SLC14A2: variants seen among roughly 807,000 people sequenced by gnomAD.
The protein encoded by SLC14A2 is solute carrier family 14 member 2.
Under a neutral mutation model 104.6 loss-of-function variants are expected in SLC14A2, and 91 were observed. The ratio of observed to expected loss-of-function variants is 0.87; its 90% CI spans 0.73 to 1.04. The LOEUF is 1.04. SLC14A2 is among the 50% of genes least tolerant of loss of function. The probability of loss-of-function intolerance (pLI) is 0.00; values close to 1 mark genes in which losing one functional copy is unlikely to be tolerated. For synonymous variants in SLC14A2, 476 were observed against 466.4 expected (o/e 1.02, Z -0.27); for missense variants, 1,189 against 1,156.0 (o/e 1.03, Z -0.41).
intron 1 of SLC14A2, among the ~76,000 whole-genome samples, chr18:45,299,982 T>A (rs527531947): frequency 6.6e-6 from 1 of 152,234 alleles, no homozygotes; most frequent in Admixed American, 6.5e-5. Context: ...GGCTGGTAAT[T>A]AGGTTTGTGG....
intron 1 of SLC14A2, among the ~76,000 whole-genome samples, chr18:45,297,579 T>G (rs1016410104): frequency 4.6e-5 from 7 of 152,218 alleles, no homozygotes; most frequent in African/African-American, 1.7e-4. Flanking sequence ...CACTTGATCT[T>G]CCTGGGTCTC....
intron 4 of SLC14A2, 130 bp from the exon 5 acceptor site, chr18:45,632,220 G>C (rs979359447): frequency 2.1e-5 from 24 of 1,142,360 alleles, no homozygotes; most frequent in Middle Eastern, 5.7e-4. Context: ...TTCATTGAGC[G>C]AACTGACTTT....
intron 1 of SLC14A2, among the ~76,000 whole-genome samples, chr18:45,347,275 G>A (rs1264712208): frequency 6.6e-6 from 1 of 152,150 alleles, no homozygotes; most frequent in Non-Finnish European, 1.5e-5. Flanking sequence ...AGGATGGCTT[G>A]AGCCAGGGGA....
intron 2 of SLC14A2, among the ~76,000 whole-genome samples, chr18:45,495,248 A>T (rs1454472643): frequency 1.3e-5 from 2 of 152,198 alleles, no homozygotes; most frequent in Admixed American, 6.5e-5. Context: ...ACCACAAAAA[A>T]CTTGGACATG....
intron 1 of SLC14A2, among the ~76,000 whole-genome samples, chr18:45,623,427 A>G (rs1217288342): frequency 1.3e-5 from 2 of 152,220 alleles, no homozygotes; most frequent in Non-Finnish European, 2.9e-5. Flanking sequence ...TCTGAATGAC[A>G]GAGTGACCAG....
At chr18:45,619,611 G>A (rs1321280448) in intron 1 of SLC14A2, among the ~76,000 whole-genome samples, 1 of 152,202 alleles carries the variant, frequency 6.6e-6, no homozygotes, top group Non-Finnish European at 1.5e-5. Context: ...GAGAGTCTGA[G>A]TGCGCCAAGC....
intron 16 of SLC14A2, among the ~76,000 whole-genome samples, chr18:45,670,292 T>G (rs1268839220): frequency 1.3e-5 from 2 of 152,204 alleles, no homozygotes. Context: ...ATTCTGTATA[T>G]AATCCTGACC....
chr18:45,441,869 T>G lies in SLC14A2; in HGVS notation c.-124-41364T>G, dbSNP rs566832940. Among the ~76,000 whole-genome samples the G allele has an allele frequency of 3.3e-5, 5 of 152,348 alleles. No homozygotes were observed. In the South Asian group the frequency reaches 1.0e-3, roughly 32 times the overall value. On this transcript the variant is annotated intron_variant, in intron 1 of 20. Coordinates refer to the SLC14A2 transcript ENST00000586448. ...ACGAGAAGATTGAAGAGGGAAACTT[T>G]ATTTTCTAATGTCATCCCTTGGCAT...
intron 1 of SLC14A2, among the ~76,000 whole-genome samples, chr18:45,434,819 C>A (rs2086571062): frequency 6.6e-6 from 1 of 152,076 alleles, no homozygotes; most frequent in Non-Finnish European, 1.5e-5. Flanking sequence ...AAAAATGAAG[C>A]AAATTGCCAC....
chr18:45,268,064 C>T (rs781120497), intron 1 of SLC14A2, among the ~76,000 whole-genome samples: 1 of 152,128 alleles, frequency 6.6e-6, no homozygotes, highest in Non-Finnish European at 1.5e-5. Flanking sequence ...GTGCATTCAT[C>T]TCCATTTGTT....
At chr18:45,228,620 T>C (rs775528714) in intron 1 of SLC14A2, among the ~76,000 whole-genome samples, 4 of 152,150 alleles carry the variant, frequency 2.6e-5, no homozygotes, top group Non-Finnish European at 5.9e-5. Context: ...CTCTTCTTAG[T>C]TAGGGGGTGG....
chr18:45,324,317 A>T (rs116327006), intron 1 of SLC14A2, among the ~76,000 whole-genome samples: 385 of 152,256 alleles, frequency 2.5e-3, no homozygotes, highest in African/African-American at 8.9e-3. Flanking sequence ...ACCAGCTTTG[A>T]TCCAAGTTTC....
chr18:45,391,373 C>A (rs564191976), intron 1 of SLC14A2, among the ~76,000 whole-genome samples: 1 of 152,298 alleles, frequency 6.6e-6, no homozygotes, highest in East Asian at 1.9e-4. Flanking sequence ...GTGAATAGTG[C>A]CGCAATAAAC....
At chr18:45,381,693 A>C (rs2085837086) in intron 1 of SLC14A2, among the ~76,000 whole-genome samples, 1 of 152,104 alleles carries the variant, frequency 6.6e-6, no homozygotes, top group Admixed American at 6.5e-5. Flanking sequence ...TGGGAATAAC[A>C]CTTTTTTGTT....
the SLC14A2 span, among the ~76,000 whole-genome samples, chr18:45,174,534 C>T: frequency 3.3e-5 from 5 of 151,952 alleles, no homozygotes; most frequent in South Asian, 2.1e-4. Flanking sequence ...CCAGAATCAC[C>T]GCTTAAAAAA....
chr18:45,643,418 A>C (rs942961693), intron 9 of SLC14A2, among the ~76,000 whole-genome samples: 3 of 152,222 alleles, frequency 2.0e-5, no homozygotes, highest in Non-Finnish European at 2.9e-5. Flanking sequence ...TGTAACTAGC[A>C]GTGGAAAACA....
intron 1 of SLC14A2, among the ~76,000 whole-genome samples, chr18:45,414,458 CCTT>C (rs551617269): frequency 2.3e-3 from 356 of 152,184 alleles, no homozygotes; most frequent in Non-Finnish European, 4.0e-3. Flanking sequence ...GGAGAAAAGT[CCTT>C]CTTCCCTCTC....
intron 1 of SLC14A2, among the ~76,000 whole-genome samples, chr18:45,224,955 G>A (rs2084099572): frequency 6.6e-6 from 1 of 152,178 alleles, no homozygotes; most frequent in Non-Finnish European, 1.5e-5. Context: ...TATTCACTCT[G>A]ATGGTAGTTT....
intron 16 of SLC14A2, among the ~76,000 whole-genome samples, chr18:45,670,721 C>T (rs910462399): frequency 4.6e-5 from 7 of 152,160 alleles, no homozygotes; most frequent in African/African-American, 1.2e-4. Context: ...AGTGCAGTGA[C>T]GCAATCACAG....
Sources: allele counts gnomAD v4.1 joint callset (sites outside exome capture counted in the v4.1 genomes callset), GRCh38; gene constraint gnomAD v4.1.1; transcripts MANE v1.5; gene names NCBI Gene and HGNC (gene_info 2026-07-23, HGNC 2026-07-21).